The following GDA variants were observed in gnomAD, a reference collection of about 807,000 sequenced individuals.
The protein encoded by GDA is cytoplasmic PSD-95 interactor.
A neutral mutation model predicts 59.6 loss-of-function variants in GDA; 18 were observed. That is an observed-to-expected ratio of 0.30 (90% CI 0.21 to 0.45). The LOEUF (loss-of-function observed/expected upper bound fraction) is 0.45, where lower values mean the gene tolerates loss of function less well. Ranked by LOEUF, GDA falls within the 20% of genes least tolerant of loss-of-function variation. The pLI, the probability that GDA is intolerant of heterozygous loss-of-function variation, is 1.00. For synonymous variants in GDA, 201 were observed against 201.1 expected, an observed-to-expected ratio of 1.00 and a Z score of 0.00; for missense variants, 427 against 552.3, an observed-to-expected ratio of 0.77 and a Z score of 2.27.
chr9:72,241,083 A>G (rs1587782973), intron 10 of GDA, 69 bp from the exon 11 acceptor site: 3 of 1,098,294 alleles, frequency 2.7e-6, no homozygotes, highest in East Asian at 2.4e-5. Context: ...CATAAAAACA[A>G]TGTTATATAT....
At chr9:72,149,778 G>T in intron 1 of GDA, 96 bp downstream of exon 1, 1 of 1,249,150 alleles carries the variant, frequency 8.0e-7, no homozygotes, top group Non-Finnish European at 1.1e-6. Flanking sequence ...TTCGCTCGGT[G>T]CGCAGTGAGC....
chr9:72,247,532 C>G, intron 13 of GDA, 99 bp downstream of exon 13: 1 of 686,728 alleles, frequency 1.5e-6, no homozygotes, highest in Non-Finnish European at 2.6e-6. Context: ...ATATATTAAA[C>G]TCTGTGGATG....
chr9:72,210,233 C>T (rs1190784719), intron 3 of GDA, among the ~76,000 whole-genome samples: 1 of 152,114 alleles, frequency 6.6e-6, no homozygotes, highest in East Asian at 1.9e-4. Flanking sequence ...GGGTTAATAA[C>T]GTTTGTACTC....
chr9:72,149,635 A>G lies in GDA; in HGVS notation c.76A>G (p.Met26Val). The G allele has an allele frequency of 6.2e-7, 1 of 1,608,846 alleles. No individual in the cohort carries two copies. Among genetic ancestry groups the G allele is most frequent in the Middle Eastern group, 1.7e-4 (1 of 6,042 alleles). ...TFVHSTWTCP[M>V]EVLRDHLLGV... Reference sequence around the variant, plus strand: ...CGTCCACTCCACCTGGACCTGCCCCATGGAGGTGCTGCGGGATCACCTCCT... The same window carrying G: ...CGTCCACTCCACCTGGACCTGCCCCGTGGAGGTGCTGCGGGATCACCTCCT... The change falls in exon 1 of 14, where the codon ATG becomes GTG. Residue 26 changes from methionine (M) to valine (V), a missense_variant. Physicochemically the swap from Met to Val is conservative, Grantham distance 21. Transcript: ENST00000358399.
At chr9:72,259,348 T>A (rs570948735), downstream of GDA, among the ~76,000 whole-genome samples, 1 of 152,218 alleles carries the variant, frequency 6.6e-6, no homozygotes, top group African/African-American at 2.4e-5. Context: ...AGTGAGCAAA[T>A]CAAAATCAGA....
chr9:72,160,023 G>C (rs1828412811), intron 1 of GDA, among the ~76,000 whole-genome samples: 1 of 152,076 alleles, frequency 6.6e-6, no homozygotes, highest in African/African-American at 2.4e-5. Flanking sequence ...TCATCAGCCG[G>C]GCGCGGTGGC....
chr9:72,176,601 C>T (rs1005061932), intron 1 of GDA, among the ~76,000 whole-genome samples: 2 of 152,182 alleles, frequency 1.3e-5, no homozygotes, highest in African/African-American at 4.8e-5. Context: ...CCACTTCCAA[C>T]TACGAGGAGT....
Position 72,248,316 on chromosome 9 carries a change from G to C in GDA, c.1339G>C (p.Val447Leu). ...AGAGGTTTATGTGGGCGGAAAGCAG[G>C]TGGTTCCGTTTTCCAGCTCAGTGTA... ...IEEVYVGGKQ[V>L]VPFSSSV The change falls in exon 14 of 14, where the codon GTG (valine) becomes CTG (leucine). Residue 447 changes from valine to leucine, a missense_variant. By Grantham distance (32) the Val-to-Leu change is conservative. Transcript: ENST00000358399. 6.2e-7 allele frequency: 1 copy of C among 1,613,652 alleles called. No homozygotes were observed. Among genetic ancestry groups the C allele is most frequent in the Non-Finnish European group, 8.5e-7 (1 of 1,179,564 alleles).
rs145211883 is a variant in GDA at position 72,190,438 on chromosome 9, T to A, written c.124-5062T>A. On this transcript the variant is annotated intron_variant, in intron 1 of 13. Transcript: ENST00000358399. ...CACTTCACCCCGCCATGTTTTCTTT[T>A]CTCTAGCTTACTTTAGTGAAGAATA... Among the ~76,000 whole-genome samples, 30 of 152,336 alleles carry A rather than the reference T, an allele frequency of 2.0e-4. 1 individual carries two copies. In the East Asian group the frequency reaches 5.0e-3, roughly 25 times the overall value.
At chr9:72,150,282 C>G (rs1827027448) in intron 1 of GDA, among the ~76,000 whole-genome samples, 2 of 151,870 alleles carry the variant, frequency 1.3e-5, no homozygotes, top group Admixed American at 6.6e-5. Flanking sequence ...TCATCCATCT[C>G]TTTTCCTTCC....
At position 72,250,405 on chromosome 9, in the gene GDA, G is replaced by T; in HGVS notation, c.*2063G>T. On this transcript the variant is annotated 3_prime_UTR_variant, in exon 14 of 14. Coordinates refer to ENST00000358399, the MANE Select transcript of GDA (RefSeq NM_004293.5). ...AGCATCAGAAGCAGTAGGAATGGCC[G>T]TATACAACCATCCTGTTAAACATTT... The T allele has an allele frequency of 8.6e-7, 1 of 1,160,702 alleles. No individual in the cohort carries two copies. The highest frequency in any genetic ancestry group is 1.1e-6 in the Non-Finnish European group (1 of 935,644). The allele number at this position is 1,160,702 out of a possible 1,614,324, so 71.9% of individuals were successfully genotyped here.
chr9:72,230,356 G>A (rs367551041), intron 9 of GDA, among the ~76,000 whole-genome samples: 22 of 151,932 alleles, frequency 1.4e-4, no homozygotes, highest in African/African-American at 4.8e-4. Flanking sequence ...ACATGCTGGC[G>A]GGCACCTGTA....
chr9:72,157,095 A>G (rs887153152), intron 1 of GDA, among the ~76,000 whole-genome samples: 2 of 127,104 alleles, frequency 1.6e-5, no homozygotes, highest in Non-Finnish European at 3.1e-5. Flanking sequence ...GCTGGGGTGC[A>G]GTGGCGCGAT....
chr9:72,174,759 T>G (rs55684457), intron 1 of GDA, among the ~76,000 whole-genome samples: 15,320 of 149,030 alleles, frequency 0.1, 894 homozygotes, highest in African/African-American at 0.18. Flanking sequence ...TATATATATA[T>G]ATAGAGAGAG....
At chr9:72,150,214 C>T (rs558246666) in intron 1 of GDA, among the ~76,000 whole-genome samples, 7 of 152,150 alleles carry the variant, frequency 4.6e-5, no homozygotes, top group South Asian at 4.1e-4. Context: ...AGATAATATA[C>T]TAACGATGAA....
intron 1 of GDA, among the ~76,000 whole-genome samples, chr9:72,156,064 A>G (rs947177315): frequency 6.6e-6 from 1 of 152,236 alleles, no homozygotes; most frequent in Non-Finnish European, 1.5e-5. Context: ...GTAGCTATTT[A>G]GATCAAGTTG....
At chr9:72,239,123 G>A (rs1839335764) in intron 10 of GDA, among the ~76,000 whole-genome samples, 1 of 152,096 alleles carries the variant, frequency 6.6e-6, no homozygotes, top group Non-Finnish European at 1.5e-5. Flanking sequence ...TAATCCAGTC[G>A]GGAAGAATCG....
chr9:72,227,888 A>G, intron 8 of GDA, 55 bp from the exon 9 acceptor site: 1 of 893,002 alleles, frequency 1.1e-6, no homozygotes, highest in South Asian at 1.4e-5. Context: ...GTGAGTGAGT[A>G]CCCACTTAAT....
At chr9:72,188,036 C>T (rs1463362428) in intron 1 of GDA, among the ~76,000 whole-genome samples, 1 of 152,162 alleles carries the variant, frequency 6.6e-6, no homozygotes, top group East Asian at 1.9e-4. Flanking sequence ...TGCATGGTTA[C>T]TTTTAACCGC....
Sources: allele counts gnomAD v4.1 joint callset (sites outside exome capture counted in the v4.1 genomes callset), GRCh38; gene constraint gnomAD v4.1.1; transcripts MANE v1.5; gene names NCBI Gene and HGNC (gene_info 2026-07-23, HGNC 2026-07-21).